The following HOMER2 variants were observed in gnomAD, a reference collection of about 807,000 sequenced individuals.
HOMER2 encodes homer protein homolog 2.
HOMER2 carries 27 observed loss-of-function variants against 47.0 expected under a neutral mutation model. The ratio of observed to expected loss-of-function variants is 0.57; its 90% CI spans 0.42 to 0.79. The LOEUF (loss-of-function observed/expected upper bound fraction) is 0.79. HOMER2 is among the 30% of genes least tolerant of loss of function. HOMER2 has a pLI of 0.00. For synonymous variants in HOMER2, 161 were observed against 163.8 expected (o/e 0.98, Z 0.13); for missense variants, 443 against 435.0 (o/e 1.02, Z -0.16).
At chr15:82,951,452 C>T (rs997233699) in intron 1 of HOMER2, among the ~76,000 whole-genome samples, 41 of 152,218 alleles carry the variant, frequency 2.7e-4, no homozygotes, top group African/African-American at 9.9e-4. Flanking sequence ...GGGGGCTGAG[C>T]CAGGGCACCA....
intron 3 of HOMER2, among the ~76,000 whole-genome samples, chr15:82,873,823 G>A (rs991430847): frequency 2.6e-5 from 4 of 152,204 alleles, no homozygotes; most frequent in Non-Finnish European, 5.9e-5. Context: ...ATCCCCACTG[G>A]GGTGCTCATT....
At chr15:82,932,323 T>C (rs991499490) in intron 1 of HOMER2, among the ~76,000 whole-genome samples, 5 of 152,034 alleles carry the variant, frequency 3.3e-5, no homozygotes, top group Non-Finnish European at 7.4e-5. Flanking sequence ...GGCAAAACCC[T>C]GTCTCTGCTA....
intron 1 of HOMER2, among the ~76,000 whole-genome samples, chr15:82,931,339 C>T (rs2054004727): frequency 6.6e-6 from 1 of 152,184 alleles, no homozygotes; most frequent in African/African-American, 2.4e-5. Context: ...GTGTACTCCA[C>T]TTAATTATTT....
intron 1 of HOMER2, among the ~76,000 whole-genome samples, chr15:82,896,423 G>A (rs1454201400): frequency 6.6e-6 from 1 of 152,194 alleles, no homozygotes; most frequent in Non-Finnish European, 1.5e-5. Context: ...CTCCAAATCT[G>A]CCTGCTCAGC....
At position 82,872,323 on chromosome 15, in the gene HOMER2, TCAC is replaced by T. The variant is rs1350200776; in HGVS notation, c.294+2947_294+2949del. Reference sequence around the variant, plus strand: ...CTCTTCCCCATTTCAGAAAACGGCCTCACCACCCTCCATCCCTCATCACCCCAG... The same window carrying T: ...CTCTTCCCCATTTCAGAAAACGGCCTCACCCTCCATCCCTCATCACCCCAG... On this transcript the variant is annotated intron_variant, in intron 3 of 8. Coordinates refer to ENST00000450735, the MANE Select transcript of HOMER2 (RefSeq NM_004839.4). 3.3e-5 allele frequency among the ~76,000 whole-genome samples: 5 copies of T among 152,310 alleles called. No individual in the cohort carries two copies. The East Asian group carries it at 9.6e-4, about 29-fold the overall frequency.
At chr15:82,853,386 G>A (rs1039678127) in intron 6 of HOMER2, among the ~76,000 whole-genome samples, 1 of 152,224 alleles carries the variant, frequency 6.6e-6, no homozygotes. Flanking sequence ...GGGTGGGAAC[G>A]TGCAAAGTCA....
At chr15:82,902,597 G>A (rs867868569) in intron 1 of HOMER2, among the ~76,000 whole-genome samples, 10 of 152,138 alleles carry the variant, frequency 6.6e-5, no homozygotes, top group Non-Finnish European at 1.3e-4. Flanking sequence ...AAATCTTCCC[G>A]AAGGAACCGT....
At chr15:82,946,546 T>G (rs537149566) in intron 1 of HOMER2, among the ~76,000 whole-genome samples, 1 of 152,314 alleles carries the variant, frequency 6.6e-6, no homozygotes, top group African/African-American at 2.4e-5. Flanking sequence ...GACACCTCCA[T>G]GGCTCACTCT....
At chr15:82,925,618 A>G (rs2053835595) in intron 1 of HOMER2, among the ~76,000 whole-genome samples, 1 of 152,148 alleles carries the variant, frequency 6.6e-6, no homozygotes, top group Non-Finnish European at 1.5e-5. Context: ...GTAACCCTTA[A>G]GAGTTCCTTC....
intron 1 of HOMER2, among the ~76,000 whole-genome samples, chr15:82,930,390 A>G (rs1271229791): frequency 1.3e-5 from 2 of 152,270 alleles, no homozygotes; most frequent in African/African-American, 4.8e-5. Context: ...ACGTCTGTAC[A>G]GCATGCCATC....
At chr15:82,925,336 C>A (rs767659027) in intron 1 of HOMER2, among the ~76,000 whole-genome samples, 36 of 152,216 alleles carry the variant, frequency 2.4e-4, no homozygotes, top group Admixed American at 5.2e-4. Context: ...GGTGCCTCAA[C>A]AGCCAGCCCC....
intron 1 of HOMER2, among the ~76,000 whole-genome samples, chr15:82,932,480 A>G (rs2054036258): frequency 6.6e-6 from 1 of 151,776 alleles, no homozygotes; most frequent in Admixed American, 6.6e-5. Context: ...GAGCCTGGGC[A>G]ACACAGCAAG....
chr15:82,965,634 A>G (rs2054667143), intron 1 of HOMER2, among the ~76,000 whole-genome samples: 1 of 152,166 alleles, frequency 6.6e-6, no homozygotes, highest in African/African-American at 2.4e-5. Context: ...CCTGTACCTC[A>G]AGTTCCCTAG....
intron 1 of HOMER2, among the ~76,000 whole-genome samples, chr15:82,935,986 T>C (rs2054133602): frequency 1.3e-5 from 2 of 152,226 alleles, no homozygotes; most frequent in Admixed American, 1.3e-4. Flanking sequence ...TGAATCATAC[T>C]GCCCATCAAA....
chr15:82,857,636 G>T (rs1596305350), intron 5 of HOMER2, among the ~76,000 whole-genome samples: 1 of 152,108 alleles, frequency 6.6e-6, no homozygotes, highest in East Asian at 1.9e-4. Flanking sequence ...TCACCGTGTT[G>T]CCCAGGCTGG....
chr15:82,882,881 C>CTTTT (rs757073475), intron 2 of HOMER2, among the ~76,000 whole-genome samples: 1,002 of 26,894 alleles, frequency 0.037, 4 homozygotes, highest in East Asian at 0.074. Context: ...CCAGCCACTG[C>CTTTT]TTTTTTTTTT....
chr15:82,851,209 T>C lies in HOMER2; in HGVS notation c.785A>G (p.Gln262Arg), dbSNP rs1596300189. 2 of 1,565,434 alleles carry C rather than the reference T, an allele frequency of 1.3e-6. No homozygotes were observed. The highest frequency in any genetic ancestry group is 1.3e-5 in the African/African-American group (1 of 74,098). Residue 262 changes from glutamine (Q) to arginine (R), a missense_variant, in exon 8 of 9, where the codon CAA becomes CGA. By Grantham distance (43) the Gln-to-Arg change is conservative. Transcript: ENST00000450735. The stretch of plus-strand genomic sequence containing the variant: ...CATGAGCTGAGGTATGATTTCACTT[T>C]GTTTTCGGAGATCTTTCAGCTCCTA... ...KETELKDLRK[Q>R]SEIIPQLMSE...
chr15:82,921,972 T>C (rs2053740122), intron 1 of HOMER2, among the ~76,000 whole-genome samples: 1 of 152,244 alleles, frequency 6.6e-6, no homozygotes, highest in Non-Finnish European at 1.5e-5. Context: ...AAGGTATAAA[T>C]AAGCACAAGT....
upstream of HOMER2, among the ~76,000 whole-genome samples, chr15:82,954,478 A>G (rs989981783): frequency 2.6e-5 from 3 of 116,096 alleles, no homozygotes; most frequent in African/African-American, 6.4e-5. Flanking sequence ...TTTTTTTTGT[A>G]TTTTTAGTAG....
Sources: allele counts gnomAD v4.1 joint callset (sites outside exome capture counted in the v4.1 genomes callset), GRCh38; gene constraint gnomAD v4.1.1; transcripts MANE v1.5; gene names NCBI Gene and HGNC (gene_info 2026-07-23, HGNC 2026-07-21).